Variants in ELMOD2 observed in about 807,000 individuals in gnomAD.
The protein encoded by ELMOD2 is ELMO domain containing 2, also known as ELMO domain-containing protein 2.
Under a neutral mutation model 41.0 loss-of-function variants are expected in ELMOD2, and 28 were observed. That is an observed-to-expected ratio of 0.68 (90% CI 0.51 to 0.94). The LOEUF is 0.94. Ranked by LOEUF, ELMOD2 falls within the 40% of genes least tolerant of loss-of-function variation. The pLI, the probability that ELMOD2 is intolerant of heterozygous loss-of-function variation, is 0.00. For missense variants in ELMOD2, 333 were observed against 343.1 expected, an observed-to-expected ratio of 0.97 and a Z score of 0.23; for synonymous variants, 106 against 107.2, an observed-to-expected ratio of 0.99 and a Z score of 0.07.
intron 1 of ELMOD2, chr4:140,524,625 G>A (rs1734494442): frequency 1.0e-6 from 1 of 985,322 alleles, no homozygotes; most frequent in South Asian, 4.7e-5. Flanking sequence ...CGGGTACTTC[G>A]AACTTCGACA....
rs1214573137 is a variant in ELMOD2 at position 140,550,482 on chromosome 4, A to G, written c.*107A>G. On this transcript the variant is annotated 3_prime_UTR_variant, in exon 9 of 9. Coordinates refer to ENST00000323570, the MANE Select transcript of ELMOD2 (RefSeq NM_153702.4). ...ATTACACTCTTATATATAATTTCCT[A>G]CAAAAATATTTCAGAAATTCTATTT... is the stretch of plus-strand genomic sequence containing the variant. 1 of 1,161,834 alleles carries G rather than the reference A, an allele frequency of 8.6e-7. No homozygotes were observed. The highest frequency in any genetic ancestry group is 1.2e-6 in the Non-Finnish European group (1 of 857,908). The allele number at this position is 1,161,834 out of a possible 1,614,324, so 72.0% of individuals were successfully genotyped here.
chr4:140,541,026 C>T (rs979797132), intron 6 of ELMOD2, among the ~76,000 whole-genome samples: 1 of 152,162 alleles, frequency 6.6e-6, no homozygotes, highest in Non-Finnish European at 1.5e-5. Flanking sequence ...TATAGACTAC[C>T]GTATGAACTT....
At chr4:140,529,281 G>A (rs750379908) in intron 3 of ELMOD2, among the ~76,000 whole-genome samples, 4 of 152,174 alleles carry the variant, frequency 2.6e-5, no homozygotes, top group Non-Finnish European at 4.4e-5. Context: ...ACTTTGTTTC[G>A]ATAGGAAACT....
At chr4:140,528,213 T>C (rs954230608) in intron 3 of ELMOD2, among the ~76,000 whole-genome samples, 1 of 152,218 alleles carries the variant, frequency 6.6e-6, no homozygotes, top group Admixed American at 6.5e-5. Context: ...TGGAGAAATA[T>C]GATATGCCCA....
intron 4 of ELMOD2, 99 bp downstream of exon 4, chr4:140,535,929 T>G (rs1254137619): frequency 3.7e-6 from 4 of 1,085,454 alleles, no homozygotes. Flanking sequence ...GAAGGGTTTG[T>G]GGAGATCATC....
intron 3 of ELMOD2, among the ~76,000 whole-genome samples, chr4:140,532,094 A>C (rs1012743903): frequency 1.3e-5 from 2 of 152,146 alleles, no homozygotes; most frequent in Admixed American, 1.3e-4. Flanking sequence ...ATATAGGTGC[A>C]AAAGTCCTTA....
chr4:140,526,488 C>G (rs1578753587), intron 2 of ELMOD2, among the ~76,000 whole-genome samples: 2 of 152,108 alleles, frequency 1.3e-5, no homozygotes, highest in Non-Finnish European at 2.9e-5. Flanking sequence ...AGCTCATGCT[C>G]TCTGTGTTAA....
chr4:140,546,367 A>AG (rs2110880049), intron 8 of ELMOD2, among the ~76,000 whole-genome samples: 1 of 152,050 alleles, frequency 6.6e-6, no homozygotes, highest in Non-Finnish European at 1.5e-5. Flanking sequence ...GGTTAGCATT[A>AG]GGAGATATAC....
At position 140,542,522 on chromosome 4, in the gene ELMOD2, C is replaced by T. The variant is rs1428441671; in HGVS notation, c.534-52C>T. On this transcript the variant is annotated intron_variant, in intron 6 of 8. Transcript: ENST00000323570. ...AGCTTTTTAAATTGGTTCTGGATAT[C>T]TTACATTTGAATGGCGTACATTTGT... 4.3e-6 allele frequency: 6 copies of T among 1,380,376 alleles called. No individual in the cohort carries two copies. The Admixed American group carries it at 1.1e-4, about 25-fold the overall frequency. 85.5% of individuals were successfully genotyped at this position (1,380,376 alleles called of 1,614,324 possible). A position where few individuals can be genotyped will look rare whatever the true frequency, so the allele number is the denominator to read the frequency against.
intron 7 of ELMOD2, 86 bp from the exon 8 acceptor site, chr4:140,543,367 C>A: frequency 7.1e-7 from 1 of 1,404,558 alleles, no homozygotes; most frequent in Non-Finnish European, 9.7e-7. Context: ...AACCTGAAGT[C>A]ACTTTCTACT....
intron 8 of ELMOD2, among the ~76,000 whole-genome samples, chr4:140,546,507 TAA>T (rs1474084240): frequency 6.7e-6 from 1 of 149,438 alleles, no homozygotes; most frequent in Non-Finnish European, 1.5e-5. Flanking sequence ...TAAATAAATG[TAA>T]AGAGACTAAT....
chr4:140,540,198 T>C lies in ELMOD2; in HGVS notation c.430T>C (p.Leu144=). 1 of 1,614,102 alleles carries C rather than the reference T, an allele frequency of 6.2e-7. No individual in the cohort carries two copies. The highest frequency in any genetic ancestry group is 2.2e-5 in the East Asian group (1 of 44,864). ...LWNLLMPTKK[L]NARISKQWAE... is the part of the protein sequence containing the mutation. Reference sequence around the variant, plus strand: ...GAATCTTCTAATGCCCACGAAGAAGTTAAACGCTAGAATCTCCAAGCAGTG... The same window carrying C: ...GAATCTTCTAATGCCCACGAAGAAGCTAAACGCTAGAATCTCCAAGCAGTG... The change falls in exon 6 of 9, where the codon TTA becomes CTA. Residue 144 remains leucine (L), a synonymous_variant. Coordinates refer to ENST00000323570, the MANE Select transcript of ELMOD2 (RefSeq NM_153702.4).
chr4:140,541,974 G>A (rs973180893), intron 6 of ELMOD2, among the ~76,000 whole-genome samples: 1 of 152,076 alleles, frequency 6.6e-6, no homozygotes, highest in Admixed American at 6.5e-5. Context: ...TCATTTTGAG[G>A]TGATCCTAAG....
rs763618295 is a variant in ELMOD2, at chr4:140,550,241, T to G, written c.748T>G (p.Tyr250Asp). ...HFHQFYCYLV[Y>D]EFDKFWFEEE... is the part of the protein sequence containing the mutation. The stretch of plus-strand genomic sequence containing the variant: ...TTCTTTAACTGCAGGTTATCTTGTC[T>G]ATGAATTTGACAAGTTTTGGTTTGA... Residue 250 changes from tyrosine to aspartate, a missense_variant, in exon 9 of 9, where the codon TAT becomes GAT. Tyr to Asp is a radical substitution (Grantham distance 160, BLOSUM62 -3). Coordinates refer to ENST00000323570, the MANE Select transcript of ELMOD2 (RefSeq NM_153702.4). 14 of 1,609,282 alleles carry G rather than the reference T, an allele frequency of 8.7e-6. No homozygotes were observed. Among genetic ancestry groups the G allele is most frequent in the Admixed American group, 1.7e-5 (1 of 59,596 alleles).
intron 8 of ELMOD2, among the ~76,000 whole-genome samples, chr4:140,548,052 C>G (rs1279725703): frequency 4.6e-5 from 7 of 152,166 alleles, no homozygotes; most frequent in Admixed American, 4.6e-4. Flanking sequence ...TTCTCTGACA[C>G]TGATTTATAT....
rs75212314 is a variant in ELMOD2, at chr4:140,535,043, T to C, written c.172-690T>C. ...TCTCAGGATTGGACAAGCTAGACTT[T>C]GTTGACCATATCTGTATCTTTACTG... On this transcript the variant is annotated intron_variant, in intron 3 of 8. Transcript: ENST00000323570. Among the ~76,000 whole-genome samples the C allele has an allele frequency of 8.1e-3, 1,236 of 152,272 alleles. 9 individuals carry two copies. Among genetic ancestry groups the C allele is most frequent in the Non-Finnish European group, 0.014 (966 of 68,000 alleles).
intron 2 of ELMOD2, among the ~76,000 whole-genome samples, chr4:140,527,004 A>AC: frequency 6.6e-6 from 1 of 152,328 alleles, no homozygotes; most frequent in South Asian, 2.1e-4. Context: ...CTGGTGACAG[A>AC]AGGGTTGACC....
chr4:140,535,965 A>C (rs1022771057), intron 4 of ELMOD2, 135 bp downstream of exon 4: 9 of 767,860 alleles, frequency 1.2e-5, no homozygotes, highest in Non-Finnish European at 1.8e-5. Flanking sequence ...ACTTCACAAG[A>C]GGAGCAGTTG....
intron 3 of ELMOD2, among the ~76,000 whole-genome samples, chr4:140,529,399 A>G (rs1734669145): frequency 6.6e-6 from 1 of 152,310 alleles, no homozygotes; most frequent in East Asian, 1.9e-4. Context: ...AAGCCTCGAC[A>G]TTGTAAAGAG....
Sources: allele counts gnomAD v4.1 joint callset (sites outside exome capture counted in the v4.1 genomes callset), GRCh38; gene constraint gnomAD v4.1.1; transcripts MANE v1.5; gene names NCBI Gene and HGNC (gene_info 2026-07-23, HGNC 2026-07-21).